The following MTUS2 variants were observed in gnomAD, a reference collection of about 807,000 sequenced individuals.
MTUS2 encodes the protein microtubule-associated tumor suppressor candidate 2.
In MTUS2, 40 loss-of-function variants were observed where a neutral mutation model predicts 114.1. The ratio of observed to expected loss-of-function variants is 0.35; its 90% confidence interval spans 0.27 to 0.46. The LOEUF (loss-of-function observed/expected upper bound fraction) is 0.46, where lower values mean the gene tolerates loss of function less well. Ranked by LOEUF, MTUS2 falls within the 20% of genes least tolerant of loss-of-function variation. The pLI is 1.00. For missense variants in MTUS2, 1,679 were observed against 1,705.4 expected (o/e 0.98, Z 0.27); for synonymous variants, 688 against 672.0 (o/e 1.02, Z -0.37).
chr13:28,903,011 G>A (rs554634279), intron 2 of MTUS2, among the ~76,000 whole-genome samples: 3 of 152,196 alleles, frequency 2.0e-5, no homozygotes, highest in South Asian at 4.1e-4. Context: ...TTATAGGGCT[G>A]TTCAAATGAT....
At chr13:29,497,130 C>T in intron 12 of MTUS2, 108 bp from the exon 13 acceptor site, 1 of 935,784 alleles carries the variant, frequency 1.1e-6, no homozygotes, top group Non-Finnish European at 1.7e-6. Context: ...GGGAAACACT[C>T]TGAGGATGCC....
At chr13:29,458,974 T>G (rs1006034507) in intron 9 of MTUS2, among the ~76,000 whole-genome samples, 1 of 152,210 alleles carries the variant, frequency 6.6e-6, no homozygotes, top group Non-Finnish European at 1.5e-5. Context: ...GCTGTCCTCA[T>G]GGATGGCTGA....
chr13:28,964,192 G>C (rs1167784538), intron 2 of MTUS2, among the ~76,000 whole-genome samples: 1 of 152,136 alleles, frequency 6.6e-6, no homozygotes, highest in Non-Finnish European at 1.5e-5. Context: ...TCCCCAACCT[G>C]TTCCTACCTG....
intron 5 of MTUS2, among the ~76,000 whole-genome samples, chr13:29,208,529 C>G (rs1895290595): frequency 1.3e-5 from 2 of 151,748 alleles, no homozygotes; most frequent in Non-Finnish European, 3.0e-5. Flanking sequence ...TGACCTCAGA[C>G]TGTCCTCTTT....
At chr13:28,903,641 A>G (rs1210945681) in intron 2 of MTUS2, among the ~76,000 whole-genome samples, 1 of 151,340 alleles carries the variant, frequency 6.6e-6, no homozygotes, top group African/African-American at 2.4e-5. Flanking sequence ...TATGTGCCAC[A>G]TTTTCTTAAT....
At chr13:29,341,067 T>C (rs1417836510) in intron 7 of MTUS2, among the ~76,000 whole-genome samples, 1 of 152,238 alleles carries the variant, frequency 6.6e-6, no homozygotes, top group Non-Finnish European at 1.5e-5. Flanking sequence ...GCATTTGGGC[T>C]GATTCCATAT....
chr13:29,401,713 A>T (rs959369171), intron 8 of MTUS2, among the ~76,000 whole-genome samples: 2 of 152,148 alleles, frequency 1.3e-5, no homozygotes, highest in African/African-American at 4.8e-5. Context: ...CAGCTTGTTT[A>T]TATCTGTGCC....
At chr13:29,432,008 C>G in intron 8 of MTUS2, among the ~76,000 whole-genome samples, 1 of 119,138 alleles carries the variant, frequency 8.4e-6, no homozygotes, top group African/African-American at 3.1e-5. Context: ...CCACGCTCAG[C>G]TATTTTTTTT....
At chr13:28,864,679 AC>A (rs1174031173) in intron 2 of MTUS2, among the ~76,000 whole-genome samples, 3 of 152,036 alleles carry the variant, frequency 2.0e-5, no homozygotes, top group African/African-American at 7.2e-5. Context: ...AAACAAAAAT[AC>A]CCCACTCAGA....
At chr13:28,833,075 C>G (rs1874816298) in intron 1 of MTUS2, among the ~76,000 whole-genome samples, 1 of 152,048 alleles carries the variant, frequency 6.6e-6, no homozygotes, top group South Asian at 2.1e-4. Context: ...AATTAGTAAT[C>G]AAATATTTTT....
intron 2 of MTUS2, among the ~76,000 whole-genome samples, chr13:29,001,005 G>A (rs907585178): frequency 6.6e-6 from 1 of 152,158 alleles, no homozygotes; most frequent in African/African-American, 2.4e-5. Context: ...CTTAGGGTAG[G>A]ATCAGGCTAT....
chr13:28,952,117 A>G (rs1259969696), intron 2 of MTUS2, among the ~76,000 whole-genome samples: 1 of 152,230 alleles, frequency 6.6e-6, no homozygotes, highest in Admixed American at 6.5e-5. Context: ...TTTCTAAAAA[A>G]GAAAATTTCT....
chr13:29,243,973 C>T (rs1422770930), intron 5 of MTUS2, among the ~76,000 whole-genome samples: 5 of 152,186 alleles, frequency 3.3e-5, no homozygotes, highest in Non-Finnish European at 4.4e-5. Flanking sequence ...ACCAGGAGAA[C>T]AAGTATGTGA....
intron 9 of MTUS2, among the ~76,000 whole-genome samples, chr13:29,446,098 T>A (rs1008065318): frequency 6.6e-6 from 1 of 152,102 alleles, no homozygotes; most frequent in African/African-American, 2.4e-5. Context: ...TCAGGTGTGA[T>A]TGAAAGGGAA....
At chr13:29,154,686 G>T (rs888100987) in intron 5 of MTUS2, among the ~76,000 whole-genome samples, 1 of 152,172 alleles carries the variant, frequency 6.6e-6, no homozygotes, top group African/African-American at 2.4e-5. Context: ...ACAATGTGCT[G>T]CATCTTTTGC....
chr13:29,296,648 G>A (rs1357268734), intron 6 of MTUS2, among the ~76,000 whole-genome samples: 2 of 152,102 alleles, frequency 1.3e-5, no homozygotes, highest in Non-Finnish European at 2.9e-5. Context: ...CATTTTAACT[G>A]GGATGAGATG....
chr13:29,331,835 G>T (rs1040538990), intron 7 of MTUS2, among the ~76,000 whole-genome samples: 1 of 152,144 alleles, frequency 6.6e-6, no homozygotes, highest in Non-Finnish European at 1.5e-5. Flanking sequence ...TTTTGTCATT[G>T]GTTCTGTTTA....
intron 2 of MTUS2, among the ~76,000 whole-genome samples, chr13:28,999,164 C>A (rs1241961564): frequency 6.6e-6 from 1 of 152,200 alleles, no homozygotes; most frequent in Non-Finnish European, 1.5e-5. Flanking sequence ...ACTCCAGACC[C>A]TGTTTGCCTG....
At chr13:29,085,401 A>C (rs1355967852) in intron 4 of MTUS2, among the ~76,000 whole-genome samples, 2 of 152,192 alleles carry the variant, frequency 1.3e-5, no homozygotes. Context: ...TAAGCATAGT[A>C]CCCAATAGGT....
Sources: allele counts gnomAD v4.1 joint callset (sites outside exome capture counted in the v4.1 genomes callset), GRCh38; gene constraint gnomAD v4.1.1; transcripts MANE v1.5; gene names NCBI Gene and HGNC (gene_info 2026-07-23, HGNC 2026-07-21).